LCMT1: variants seen among roughly 807,000 people sequenced by gnomAD.
The protein encoded by LCMT1 is leucine carboxyl methyltransferase 1.
LCMT1 carries 32 observed loss-of-function variants against 47.7 expected under a neutral mutation model. The observed-to-expected ratio is 0.67, with a 90% CI of 0.51 to 0.90. The LOEUF is 0.90. LCMT1 is among the 40% of genes least tolerant of loss of function. The pLI, the probability that LCMT1 is intolerant of heterozygous loss-of-function variation, is 0.00. For synonymous variants in LCMT1, 152 were observed against 149.7 expected (o/e 1.02, Z -0.11); for missense variants, 375 against 415.2 (o/e 0.90, Z 0.84).
chr16:25,118,145 C>A (rs1959855687), intron 1 of LCMT1, among the ~76,000 whole-genome samples: 1 of 152,158 alleles, frequency 6.6e-6, no homozygotes, highest in Non-Finnish European at 1.5e-5. Flanking sequence ...TTGTCACTCC[C>A]TAGCTTAATG....
intron 9 of LCMT1, among the ~76,000 whole-genome samples, chr16:25,171,816 T>C (rs771756758): frequency 4.6e-5 from 7 of 152,102 alleles, no homozygotes; most frequent in African/African-American, 1.7e-4. Context: ...ACCTGGGAGG[T>C]AGCAGTTCTT....
At chr16:25,151,699 GTGT>G in intron 5 of LCMT1, 84 bp downstream of exon 5, 1 of 714,226 alleles carries the variant, frequency 1.4e-6, no homozygotes. Flanking sequence ...TGTGTTGGGT[GTGT>G]GTGTGTGTGT....
At chr16:25,153,298 G>C (rs1056208769) in intron 5 of LCMT1, among the ~76,000 whole-genome samples, 2 of 152,182 alleles carry the variant, frequency 1.3e-5, no homozygotes, top group African/African-American at 4.8e-5. Flanking sequence ...CTGGGACTGG[G>C]TACTTTATAA....
chr16:25,157,421 G>A (rs1435412849), intron 5 of LCMT1, among the ~76,000 whole-genome samples: 1 of 151,970 alleles, frequency 6.6e-6, no homozygotes, highest in Non-Finnish European at 1.5e-5. Flanking sequence ...CAGGCATGGT[G>A]GTGCACGTCT....
intron 7 of LCMT1, among the ~76,000 whole-genome samples, chr16:25,165,465 C>A (rs530943652): frequency 1.3e-5 from 2 of 152,066 alleles, no homozygotes; most frequent in South Asian, 4.2e-4. Context: ...GCTGTGTGAC[C>A]TGGGCAAGTT....
At chr16:25,118,610 G>A (rs1032572343) in intron 1 of LCMT1, among the ~76,000 whole-genome samples, 1 of 152,116 alleles carries the variant, frequency 6.6e-6, no homozygotes, top group African/African-American at 2.4e-5. Context: ...GGGTGTGTTG[G>A]AAGGAGTTGT....
intron 4 of LCMT1, among the ~76,000 whole-genome samples, chr16:25,150,174 A>G (rs940495248): frequency 1.3e-5 from 2 of 151,988 alleles, no homozygotes; most frequent in Non-Finnish European, 2.9e-5. Flanking sequence ...CTTACAGCAC[A>G]CTCATGAATT....
intron 1 of LCMT1, among the ~76,000 whole-genome samples, chr16:25,117,720 G>A (rs1356553976): frequency 6.6e-6 from 1 of 152,090 alleles, no homozygotes; most frequent in Non-Finnish European, 1.5e-5. Context: ...GGGCGTGGTG[G>A]TGTGCGCCTG....
At chr16:25,112,138 T>G in intron 1 of LCMT1, 142 bp downstream of exon 1, 1 of 708,838 alleles carries the variant, frequency 1.4e-6, no homozygotes, top group Non-Finnish European at 2.6e-6. Flanking sequence ...ACCTGTGAAG[T>G]GCACGGAGCA....
At chr16:25,130,233 C>T (rs868082720) in intron 2 of LCMT1, among the ~76,000 whole-genome samples, 5 of 144,250 alleles carry the variant, frequency 3.5e-5, no homozygotes, top group South Asian at 2.3e-4. Flanking sequence ...CCACCTACTT[C>T]GGAGGCTGAG....
chr16:25,136,909 T>G (rs1030093449), intron 3 of LCMT1, among the ~76,000 whole-genome samples: 4 of 152,094 alleles, frequency 2.6e-5, no homozygotes, highest in Non-Finnish European at 5.9e-5. Flanking sequence ...TATTCAGAAG[T>G]TTTACAAGGT....
At chr16:25,171,415 AAAAC>A (rs934518183) in intron 9 of LCMT1, among the ~76,000 whole-genome samples, 82 of 152,198 alleles carry the variant, frequency 5.4e-4, no homozygotes, top group South Asian at 1.5e-3. Flanking sequence ...GCTTCTCAAA[AAAAC>A]AAACAAACAA....
intron 4 of LCMT1, chr16:25,142,460 CT>C (rs1960723470): frequency 6.6e-6 from 1 of 152,212 alleles, no homozygotes; most frequent in South Asian, 2.1e-4. Context: ...TTCCATACCT[CT>C]TTTGTGAAGT....
intron 1 of LCMT1, among the ~76,000 whole-genome samples, chr16:25,114,417 T>C (rs1959723973): frequency 6.6e-6 from 1 of 152,166 alleles, no homozygotes; most frequent in Admixed American, 6.5e-5. Context: ...CCTGGACTTG[T>C]GGTATCAGAA....
At chr16:25,173,942 C>T (rs766316709) in intron 9 of LCMT1, among the ~76,000 whole-genome samples, 12 of 152,166 alleles carry the variant, frequency 7.9e-5, no homozygotes, top group Non-Finnish European at 1.5e-4. Flanking sequence ...GACCGAGTCT[C>T]GCTCTGTCAC....
chr16:25,132,490 G>T lies in LCMT1; in HGVS notation c.294G>T (p.Gly98=), dbSNP rs965794841. ...TECHCQIVNL[G]AGMDTTFWRL... Reference sequence around the variant, plus strand: ...GTCATTGTCAAATTGTCAACCTTGGGGCAGGCATGGATACCACCTTCTGGA... The same window carrying T: ...GTCATTGTCAAATTGTCAACCTTGGTGCAGGCATGGATACCACCTTCTGGA... Residue 98 remains glycine, a synonymous_variant, in exon 3 of 11, where the codon GGG becomes GGT. Coordinates refer to ENST00000399069, the MANE Select transcript of LCMT1 (RefSeq NM_016309.3). 1 of 1,613,746 alleles carries T rather than the reference G, an allele frequency of 6.2e-7. No individual in the cohort carries two copies. The highest frequency in any genetic ancestry group is 1.3e-5 in the African/African-American group (1 of 74,878).
intron 5 of LCMT1, chr16:25,160,881 ATAACT>A (rs1961408310): frequency 1.6e-6 from 1 of 636,914 alleles, no homozygotes; most frequent in Admixed American, 2.1e-5. Flanking sequence ...GTTGTGTATA[ATAACT>A]TAAGCACATA....
At chr16:25,153,690 C>T (rs1168226709) in intron 5 of LCMT1, among the ~76,000 whole-genome samples, 6 of 152,122 alleles carry the variant, frequency 3.9e-5, no homozygotes, top group Non-Finnish European at 7.4e-5. Context: ...TGGTGGCTCA[C>T]GCCTGTAATC....
intron 8 of LCMT1, among the ~76,000 whole-genome samples, chr16:25,170,437 AAGGAGTCGTCTCAGAGG>A (rs1202295144): frequency 1.3e-5 from 2 of 152,124 alleles, no homozygotes; most frequent in Non-Finnish European, 2.9e-5. Flanking sequence ...GCTTTTGAGA[AAGGAGTCGTCTCAGAGG>A]AGGTCTGGTG....
Sources: gnomAD v4.1 joint callset for allele counts (sites outside exome capture counted in the v4.1 genomes callset) on GRCh38, gnomAD v4.1.1 for gene constraint, MANE v1.5 for transcripts, NCBI Gene and HGNC (gene_info 2026-07-23, HGNC 2026-07-21) for gene names.